The following NUB1 variants were observed in gnomAD, a reference collection of about 807,000 sequenced individuals.
The protein encoded by NUB1 is NEDD8 ultimate buster 1.
In NUB1, 41 loss-of-function variants were observed where a neutral mutation model predicts 77.1. The ratio of observed to expected loss-of-function variants is 0.53; its 90% CI spans 0.41 to 0.69. The LOEUF is 0.69. NUB1 is among the 30% of genes least tolerant of loss of function. NUB1 has a pLI of 0.00. For missense variants in NUB1, 643 were observed against 743.8 expected, an observed-to-expected ratio of 0.86 and a Z score of 1.58; for synonymous variants, 257 against 281.0, an observed-to-expected ratio of 0.91 and a Z score of 0.85.
chr7:151,363,683 G>A (rs543419661), intron 8 of NUB1, among the ~76,000 whole-genome samples: 1 of 152,168 alleles, frequency 6.6e-6, no homozygotes, highest in African/African-American at 2.4e-5. Context: ...CTACACTACA[G>A]CACACTATAA....
intron 8 of NUB1, among the ~76,000 whole-genome samples, chr7:151,366,372 G>A (rs1205614026): frequency 1.3e-5 from 2 of 152,106 alleles, no homozygotes; most frequent in Non-Finnish European, 2.9e-5. Flanking sequence ...TTCATAGTAC[G>A]TAGGGATTTT....
intron 12 of NUB1, chr7:151,374,526 C>A: frequency 2.0e-6 from 1 of 505,726 alleles, no homozygotes; most frequent in Non-Finnish European, 3.6e-6. Context: ...TTTCTGTGTG[C>A]AGCAGAGTTT....
intron 3 of NUB1, among the ~76,000 whole-genome samples, chr7:151,349,524 A>G (rs765701624): frequency 1.3e-5 from 2 of 152,214 alleles, no homozygotes; most frequent in Admixed American, 6.5e-5. Flanking sequence ...AATGGGGAAT[A>G]AAGGATTCCC....
chr7:151,368,973 CTT>C, intron 11 of NUB1, 86 bp downstream of exon 11: 2 of 1,318,316 alleles, frequency 1.5e-6, no homozygotes. Flanking sequence ...ACCAGGAACT[CTT>C]TATTACTCCA....
chr7:151,354,720 G>A (rs1464960392), intron 5 of NUB1, among the ~76,000 whole-genome samples: 1 of 152,124 alleles, frequency 6.6e-6, no homozygotes, highest in African/African-American at 2.4e-5. Flanking sequence ...GAGTTAAAAC[G>A]GTAGATGGAG....
chr7:151,358,311 C>T (rs1797185251), intron 7 of NUB1, among the ~76,000 whole-genome samples: 1 of 152,206 alleles, frequency 6.6e-6, no homozygotes, highest in African/African-American at 2.4e-5. Flanking sequence ...TTGCCCACTG[C>T]TCTCTTACAT....
intron 8 of NUB1, among the ~76,000 whole-genome samples, chr7:151,365,811 C>T (rs946944792): frequency 1.1e-4 from 17 of 152,050 alleles, no homozygotes; most frequent in African/African-American, 3.6e-4. Context: ...TTTTTCTTGC[C>T]GCACCCACAA....
intron 11 of NUB1, among the ~76,000 whole-genome samples, chr7:151,371,853 C>T (rs183881595): frequency 6.6e-6 from 1 of 152,242 alleles, no homozygotes. Flanking sequence ...CAATGATCCT[C>T]CTGCCAAGAG....
chr7:151,372,168 C>A, intron 11 of NUB1, among the ~76,000 whole-genome samples: 1 of 152,220 alleles, frequency 6.6e-6, no homozygotes, highest in East Asian at 1.9e-4. Flanking sequence ...AGAGGCCATC[C>A]CAGCTTGTTG....
chr7:151,347,786 C>T (rs546227092), intron 2 of NUB1, among the ~76,000 whole-genome samples: 1 of 152,344 alleles, frequency 6.6e-6, no homozygotes, highest in Non-Finnish European at 1.5e-5. Flanking sequence ...AGTTTTCCAA[C>T]TTCACTTTTA....
At chr7:151,374,312 G>A in intron 12 of NUB1, 69 bp downstream of exon 12, 1 of 1,520,424 alleles carries the variant, frequency 6.6e-7, no homozygotes. Flanking sequence ...TCCCTCCATG[G>A]CTCTCCAGCA....
At chr7:151,353,541 CAGT>C (rs1185245909) in intron 5 of NUB1, among the ~76,000 whole-genome samples, 1 of 152,172 alleles carries the variant, frequency 6.6e-6, no homozygotes, top group African/African-American at 2.4e-5. Flanking sequence ...TCCCAGATGT[CAGT>C]AGCGCAGCTG....
chr7:151,355,988 T>C, intron 6 of NUB1, 38 bp downstream of exon 6: 2 of 1,600,100 alleles, frequency 1.2e-6, no homozygotes, highest in South Asian at 1.1e-5. Flanking sequence ...ACTCAGCTGC[T>C]TGGGGGCAGC....
At chr7:151,343,829 A>G (rs1796325865) in intron 1 of NUB1, among the ~76,000 whole-genome samples, 1 of 152,120 alleles carries the variant, frequency 6.6e-6, no homozygotes, top group South Asian at 2.1e-4. Context: ...TGCCTGAGTC[A>G]TGGTACAAAC....
intron 7 of NUB1, among the ~76,000 whole-genome samples, chr7:151,358,258 C>G (rs765161331): frequency 2.6e-5 from 4 of 152,206 alleles, no homozygotes; most frequent in Admixed American, 6.5e-5. Context: ...AGGTGTGAGC[C>G]ACTGTGCCCG....
intron 3 of NUB1, among the ~76,000 whole-genome samples, chr7:151,350,153 T>C (rs1224692097): frequency 6.6e-6 from 1 of 152,378 alleles, no homozygotes. Context: ...CACTTTCTGC[T>C]GCTGCTATCT....
In NUB1 at chr7:151,366,992, T is replaced by G; in HGVS notation, c.854T>G (p.Leu285Arg). Residue 285 changes from leucine (L) to arginine (R), a missense_variant, in exon 9 of 15, where the codon CTG becomes CGG. By Grantham distance (102) the Leu-to-Arg change is moderately radical. Coordinates refer to ENST00000568733, the MANE Select transcript of NUB1 (RefSeq NM_001243351.2). ...GTGGATAACTACGCCGTCCTCCAGC[T>G]GGATATAGTGTGGTGTTACTTCCGC... ...DTVDNYAVLQLDIVWCYFRLE... is the reference protein window; with the variant it reads ...DTVDNYAVLQRDIVWCYFRLE... The G allele has an allele frequency of 6.2e-7, 1 of 1,613,748 alleles. No homozygotes were observed. The highest frequency in any genetic ancestry group is 8.5e-7 in the Non-Finnish European group (1 of 1,179,762).
chr7:151,344,202 A>T (rs1276667519), intron 1 of NUB1, among the ~76,000 whole-genome samples: 3 of 144,178 alleles, frequency 2.1e-5, no homozygotes, highest in African/African-American at 8.0e-5. Flanking sequence ...AAAAAAAAAA[A>T]AAAAAAAAAA....
intron 7 of NUB1, among the ~76,000 whole-genome samples, chr7:151,357,418 C>G (rs963828283): frequency 2.0e-5 from 3 of 152,070 alleles, no homozygotes; most frequent in Non-Finnish European, 4.4e-5. Context: ...GCCACTGCAC[C>G]CAGCCCCTTG....
Sources: allele counts gnomAD v4.1 joint callset (sites outside exome capture counted in the v4.1 genomes callset), GRCh38; gene constraint gnomAD v4.1.1; transcripts MANE v1.5; gene names NCBI Gene and HGNC (gene_info 2026-07-23, HGNC 2026-07-21).